The following NME5 variants were observed in gnomAD, a reference collection of about 807,000 sequenced individuals.
NME5 encodes NME/NM23 family member 5.
A neutral mutation model predicts 21.6 loss-of-function variants in NME5; 18 were observed. The ratio of observed to expected loss-of-function variants is 0.83; its 90% confidence interval spans 0.58 to 1.24. The LOEUF (loss-of-function observed/expected upper bound fraction) is 1.24, where lower values mean the gene tolerates loss of function less well. Among genes scored for constraint, NME5 ranks in the 50% most tolerant of loss-of-function variants. The probability of loss-of-function intolerance (pLI) is 0.00; values close to 1 mark genes in which losing one functional copy is unlikely to be tolerated. For synonymous variants in NME5, 70 were observed against 80.6 expected (o/e 0.87, Z 0.71); for missense variants, 223 against 255.4 (o/e 0.87, Z 0.86).
At chr5:138,129,028 A>G (rs1317496183) in intron 3 of NME5, among the ~76,000 whole-genome samples, 1 of 152,198 alleles carries the variant, frequency 6.6e-6, no homozygotes, top group East Asian at 1.9e-4. Context: ...GTAATCAACT[A>G]TAAATCAGAC....
rs761864696 is a variant in NME5, at chr5:138,118,870, GT to G, written c.502del (p.Thr168LeufsTer18). ...KDYLNLHIMP[T>X]LLEGLTELCK... Reference sequence around the variant, plus strand: ...AAGCTCTGTGAGTCCTTCAAGCAGAGTTGGCATTATATGTAAATTTAAATAG... The same window carrying G: ...AAGCTCTGTGAGTCCTTCAAGCAGAGTGGCATTATATGTAAATTTAAATAG... On this transcript the variant is annotated frameshift_variant, in exon 5 of 6. Transcript: ENST00000265191. LOFTEE classifies it high-confidence loss of function. 11 of 1,613,806 alleles carry G rather than the reference GT, an allele frequency of 6.8e-6. No individual in the cohort carries two copies. Among genetic ancestry groups the G allele is most frequent in the Admixed American group, 1.7e-5 (1 of 60,012 alleles).
At chr5:138,117,711 G>C (rs1431815018) in intron 5 of NME5, among the ~76,000 whole-genome samples, 1 of 151,806 alleles carries the variant, frequency 6.6e-6, no homozygotes, top group Non-Finnish European at 1.5e-5. Flanking sequence ...GGTCGGGCGC[G>C]GTGGCTCACA....
intron 2 of NME5, 121 bp from the exon 3 acceptor site, chr5:138,129,589 A>G: frequency 1.5e-6 from 1 of 669,564 alleles, no homozygotes; most frequent in Non-Finnish European, 2.6e-6. Flanking sequence ...TTATCTTTGT[A>G]TTATGAAGAA....
chr5:138,129,821 G>C (rs1751519103), intron 2 of NME5, among the ~76,000 whole-genome samples: 1 of 152,160 alleles, frequency 6.6e-6, no homozygotes, highest in Non-Finnish European at 1.5e-5. Flanking sequence ...AGCCGGGCGG[G>C]CGGCATGCGC....
chr5:138,119,719 AC>A (rs1237395160), intron 4 of NME5, among the ~76,000 whole-genome samples: 1 of 150,096 alleles, frequency 6.7e-6, no homozygotes, highest in Non-Finnish European at 1.5e-5. Flanking sequence ...GTGCAGCAGC[AC>A]AATCTCAGTT....
intron 4 of NME5, among the ~76,000 whole-genome samples, chr5:138,120,230 CTTTTTT>C (rs59354099): frequency 3.4e-5 from 3 of 87,130 alleles, no homozygotes; most frequent in Admixed American, 1.5e-4. Context: ...GCTCCCAGCT[CTTTTTT>C]TTTTTTTTTT....
chr5:138,125,850 G>T (rs1751405346), intron 4 of NME5, among the ~76,000 whole-genome samples: 1 of 152,176 alleles, frequency 6.6e-6, no homozygotes, highest in Non-Finnish European at 1.5e-5. Context: ...CCAACTTCAA[G>T]TGATCCATCC....
At chr5:138,117,940 C>A (rs1049235611) in intron 5 of NME5, among the ~76,000 whole-genome samples, 1 of 151,554 alleles carries the variant, frequency 6.6e-6, no homozygotes, top group African/African-American at 2.4e-5. Flanking sequence ...GCCCAGATTG[C>A]GCCTCTGCAT....
chr5:138,117,481 G>A (rs1751187840), intron 5 of NME5, among the ~76,000 whole-genome samples: 3 of 152,010 alleles, frequency 2.0e-5, no homozygotes, highest in Non-Finnish European at 4.4e-5. Context: ...TTAACATCTA[G>A]AAATACAAAG....
At position 138,129,154 on chromosome 5, in the gene NME5, A is replaced by G. The variant is rs373533295; in HGVS notation, c.335+109T>C. The G allele has an allele frequency of 5.1e-4, 478 of 932,414 alleles. 2 individuals are homozygous for G. The African/African-American group carries it at 7.2e-3, about 14-fold the overall frequency. 57.8% of individuals were successfully genotyped at this position (932,414 alleles called of 1,614,324 possible). ...TGCCCCCCAAAAAAGTTGATTTTGG[A>G]AAACTTCCAAATAAAAAAAAAATTC... On this transcript the variant is annotated intron_variant, in intron 3 of 5. Transcript: ENST00000265191.
At chr5:138,116,211 T>C (rs961975261) in intron 5 of NME5, 3 of 152,696 alleles carry the variant, frequency 2.0e-5, no homozygotes, top group South Asian at 2.1e-4. Flanking sequence ...TTAAGAACTG[T>C]AGAACATTGC....
intron 4 of NME5, among the ~76,000 whole-genome samples, chr5:138,120,571 A>C (rs1467613923): frequency 6.6e-6 from 1 of 152,144 alleles, no homozygotes; most frequent in Non-Finnish European, 1.5e-5. Context: ...CCTTTGAAGC[A>C]CAAAAGCTTT....
intron 2 of NME5, chr5:138,138,425 T>C: frequency 2.4e-6 from 1 of 414,766 alleles, no homozygotes; most frequent in Non-Finnish European, 4.3e-6. Context: ...TGCCTCTCTC[T>C]GGAGCCTGGG....
chr5:138,120,720 T>C (rs77326493), intron 4 of NME5, among the ~76,000 whole-genome samples: 28 of 152,328 alleles, frequency 1.8e-4, no homozygotes, highest in African/African-American at 6.7e-4. Context: ...AAGTCTGTGA[T>C]CCATTTTGAG....
chr5:138,127,751 C>T (rs1039918380), intron 4 of NME5: 3 of 849,176 alleles, frequency 3.5e-6, no homozygotes, highest in African/African-American at 3.7e-5. Context: ...TTCTCAATTG[C>T]ATGAGACTTT....
At position 138,117,937 on chromosome 5, in the gene NME5, T is replaced by C. The variant is rs1199116765; in HGVS notation, c.555+881A>G. 2.6e-5 allele frequency among the ~76,000 whole-genome samples: 4 copies of C among 151,754 alleles called. No homozygotes were observed. The South Asian group carries it at 8.4e-4, about 32-fold the overall frequency. Reference sequence around the variant, plus strand: ...GGGCGGAGGTTGCAGTGAGCCCAGATTGCGCCTCTGCATTCCAGCCTGGGC... The same window carrying C: ...GGGCGGAGGTTGCAGTGAGCCCAGACTGCGCCTCTGCATTCCAGCCTGGGC... On this transcript the variant is annotated intron_variant, in intron 5 of 5. Transcript: ENST00000265191.
chr5:138,134,678 C>T (rs1299083964), intron 2 of NME5, among the ~76,000 whole-genome samples: 1 of 151,734 alleles, frequency 6.6e-6, no homozygotes, highest in Non-Finnish European at 1.5e-5. Flanking sequence ...CCACGGCCGG[C>T]TAATTTTTAA....
chr5:138,124,694 T>TA (rs1561587896), intron 4 of NME5, among the ~76,000 whole-genome samples: 1 of 151,820 alleles, frequency 6.6e-6, no homozygotes, highest in East Asian at 1.9e-4. Flanking sequence ...CTAATTTTTT[T>TA]ATTTTTGGTA....
At chr5:138,128,645 T>G in intron 3 of NME5, 66 bp from the exon 4 acceptor site, 12 of 1,012,720 alleles carry the variant, frequency 1.2e-5, no homozygotes, top group African/African-American at 3.3e-5. Context: ...TATGCATGCA[T>G]TCCACTTAAG....
Sources: gnomAD v4.1 joint callset for allele counts (sites outside exome capture counted in the v4.1 genomes callset) on GRCh38, gnomAD v4.1.1 for gene constraint, MANE v1.5 for transcripts, NCBI Gene and HGNC (gene_info 2026-07-23, HGNC 2026-07-21) for gene names.